Variants in SHC2 observed in about 807,000 individuals in gnomAD.
SHC2 encodes the protein SHC-transforming protein 2.
Under a neutral mutation model 60.6 loss-of-function variants are expected in SHC2, and 62 were observed. The observed-to-expected ratio is 1.02, with a 90% CI of 0.83 to 1.26. The LOEUF (loss-of-function observed/expected upper bound fraction) is 1.26. Ranked by LOEUF, SHC2 falls within the 50% of genes most tolerant of loss-of-function variation. The pLI is 0.00. For synonymous variants in SHC2, 375 were observed against 372.4 expected (o/e 1.01, Z -0.08); for missense variants, 873 against 822.2 (o/e 1.06, Z -0.76).
At chr19:457,387 A>G (rs987862973) in intron 1 of SHC2, among the ~76,000 whole-genome samples, 6 of 141,238 alleles carry the variant, frequency 4.2e-5, no homozygotes, top group Admixed American at 4.2e-4. Flanking sequence ...GTCTAGAACT[A>G]TGTCTGCAAA....
chr19:449,982 C>A (rs73489613), intron 1 of SHC2, among the ~76,000 whole-genome samples: 5,071 of 152,260 alleles, frequency 0.033, 282 homozygotes, highest in African/African-American at 0.11. Context: ...TTCTTTGACA[C>A]CCTGCGCCAC....
At chr19:457,232 A>G (rs55835330) in intron 1 of SHC2, among the ~76,000 whole-genome samples, 1 of 101,000 alleles carries the variant, frequency 9.9e-6, no homozygotes, top group Non-Finnish European at 2.0e-5. Context: ...AGGCCTTTGC[A>G]CCTGCACCTG....
intron 9 of SHC2, among the ~76,000 whole-genome samples, chr19:426,068 G>A (rs937725266): frequency 1.3e-5 from 2 of 151,316 alleles, no homozygotes; most frequent in East Asian, 1.9e-4. Context: ...GGTTCAAACC[G>A]GAACAGCATC....
chr19:460,369 G>T (rs1975511345), intron 1 of SHC2, among the ~76,000 whole-genome samples, 160 bp downstream of exon 1: 2 of 151,850 alleles, frequency 1.3e-5, no homozygotes, highest in Admixed American at 1.3e-4. Flanking sequence ...GGTGGGGGCA[G>T]CCGCCGGCCG....
At chr19:450,542 G>C (rs1191931365) in intron 1 of SHC2, among the ~76,000 whole-genome samples, 1 of 152,158 alleles carries the variant, frequency 6.6e-6, no homozygotes, top group Non-Finnish European at 1.5e-5. Flanking sequence ...CTGTCTCTGT[G>C]AATCTGATGG....
At chr19:430,117 A>G (rs1035663122) in intron 9 of SHC2, among the ~76,000 whole-genome samples, 3 of 142,952 alleles carry the variant, frequency 2.1e-5, no homozygotes, top group African/African-American at 5.3e-5. Flanking sequence ...TACCGTGTGG[A>G]TGACGCAGTA....
chr19:444,061 GTGGGTGGA>G (rs1314787877), intron 1 of SHC2, among the ~76,000 whole-genome samples: 2 of 146,372 alleles, frequency 1.4e-5, no homozygotes, highest in Admixed American at 6.8e-5. Flanking sequence ...GGATGGATGG[GTGGGTGGA>G]TGGGTGGATG....
intron 8 of SHC2, among the ~76,000 whole-genome samples, chr19:431,046 C>A (rs955023883): frequency 6.6e-6 from 1 of 152,266 alleles, no homozygotes; most frequent in Non-Finnish European, 1.5e-5. Flanking sequence ...TCCCAGGCAG[C>A]TCCTATTCAC....
At chr19:457,956 G>A (rs1205006469) in intron 1 of SHC2, among the ~76,000 whole-genome samples, 1 of 138,922 alleles carries the variant, frequency 7.2e-6, no homozygotes, top group East Asian at 1.9e-4. Flanking sequence ...GTGGGTCCCG[G>A]GGAGGCGGAA....
At position 425,178 on chromosome 19, in the gene SHC2, C is replaced by T. The variant is rs903519101; in HGVS notation, c.1228G>A (p.Glu410Lys). Residue 410 changes from glutamate to lysine, a missense_variant, in exon 10 of 13, where the codon GAG (glutamate) becomes AAG (lysine). Transcript: ENST00000264554. The surrounding 1 kb of genome is among the most constrained non-coding windows in gnomAD (Gnocchi z 4.1). The part of the protein sequence containing the change: ...QADARGPPDH[E>K]EHLYVNTQGL... ...TGGGTGTTGACATACAGGTGCTCCT[C>T]GTGGTCCGGGGGGCCCCGGGCGTCC... 2.2e-6 allele frequency: 3 copies of T among 1,353,280 alleles called. No homozygotes were observed. Among genetic ancestry groups the T allele is most frequent in the Admixed American group, 3.0e-5 (1 of 33,576 alleles). 83.8% of individuals were successfully genotyped at this position (1,353,280 alleles called of 1,614,324 possible).
chr19:419,313 G>T (rs1974220379), intron 11 of SHC2: 1 of 451,032 alleles, frequency 2.2e-6, no homozygotes. Context: ...GCGGGAAGAT[G>T]CGGCCAGGTC....
Position 446,397 on chromosome 19 carries a change from G to A in SHC2, c.469-5465C>T, listed in dbSNP as rs1975053545. On this transcript the variant is annotated intron_variant, in intron 1 of 12. Transcript: ENST00000264554. This position sits in a 1 kb window ranked among gnomAD's most constrained non-coding sequence, Gnocchi z 5.4. ...GCGATCACGACTCACTGCAACTTCC[G>A]CCTCCCGGGTTCACACCATTCTCCT... is the stretch of plus-strand genomic sequence containing the variant. 1.3e-5 allele frequency among the ~76,000 whole-genome samples: 2 copies of A among 152,062 alleles called. No individual in the cohort carries two copies. The highest frequency in any genetic ancestry group is 2.9e-5 in the Non-Finnish European group (2 of 68,006).
chr19:418,631 T>C (rs547966264), intron 12 of SHC2, among the ~76,000 whole-genome samples: 70 of 152,130 alleles, frequency 4.6e-4, no homozygotes, highest in African/African-American at 1.1e-3. Context: ...TGGAATCCCA[T>C]TGCTATGAAA....
chr19:436,392 T>C lies in SHC2; in HGVS notation c.814A>G (p.Ile272Val), dbSNP rs1974720459. The C allele has an allele frequency of 6.3e-7, 1 of 1,593,272 alleles. No homozygotes were observed. The highest frequency in any genetic ancestry group is 1.3e-5 in the African/African-American group (1 of 74,244). ...CCGGGGGCCTCACCTCTCTGGTTGA[T>C]GGGGTCCTTGGCGACGTAGGCCACG... ...DYVAYVAKDP[I>V]NQRACHILEC... The change falls in exon 6 of 13, where the codon ATC becomes GTC. Residue 272 changes from isoleucine (I) to valine (V), a missense_variant. By Grantham distance (29) the Ile-to-Val change is conservative. Transcript: ENST00000264554.
rs1229965233 is a variant in SHC2 at position 460,721 on chromosome 19, G to A, written c.276C>T (p.Pro92=). Residue 92 remains proline (P), a synonymous_variant, in exon 1 of 13, where the codon CCC becomes CCT. Transcript: ENST00000264554. The part of the protein sequence containing the change: ...ACEPRCAAPC[P]LPALSRCRGA... ...CCCGACAGCGGCTGAGCGCGGGCAG[G>A]GGACAGGGCGCGGCGCAGCGGGGCT... 2 of 987,100 alleles carry A rather than the reference G, an allele frequency of 2.0e-6. No homozygotes were observed. Among genetic ancestry groups the A allele is most frequent in the African/African-American group, 3.5e-5 (2 of 56,590 alleles). 61.1% of individuals were successfully genotyped at this position (987,100 alleles called of 1,614,324 possible).
At position 422,211 on chromosome 19, in the gene SHC2, A is replaced by G. The variant is rs1477054751; in HGVS notation, c.1555T>C (p.Tyr519His). 2 of 1,612,530 alleles carry G rather than the reference A, an allele frequency of 1.2e-6. No individual in the cohort carries two copies. Among genetic ancestry groups the G allele is most frequent in the East Asian group, 2.2e-5 (1 of 44,870 alleles). Residue 519 changes from tyrosine to histidine, a missense_variant, in exon 11 of 13, where the codon TAT becomes CAT. By Grantham distance (83) the Tyr-to-His change is moderately conservative. Transcript: ENST00000264554. This position sits in a 1 kb window ranked among gnomAD's most constrained non-coding sequence, Gnocchi z 5.0. Reference protein sequence around the residue: ...VRDSVTNPGQYVLTGMHAGQP... With the variant: ...VRDSVTNPGQHVLTGMHAGQP... ...CCGGCGTGCATGCCGGTGAGGACAT[A>G]CTGCCCGGGGTTGGTGACGCTGTCT...
At chr19:421,375 G>C (rs368189403) in intron 11 of SHC2, among the ~76,000 whole-genome samples, 4 of 147,716 alleles carry the variant, frequency 2.7e-5, no homozygotes, top group African/African-American at 1.0e-4. Context: ...ATTCCAGCCG[G>C]GGCAACAGTG....
chr19:460,420 A>C, intron 1 of SHC2, 109 bp downstream of exon 1: 3 of 365,802 alleles, frequency 8.2e-6, no homozygotes, highest in African/African-American at 2.5e-5. Flanking sequence ...GAGAGCAGGA[A>C]GGATGGGGAG....
At chr19:451,452 G>T (rs1458625664) in intron 1 of SHC2, among the ~76,000 whole-genome samples, 1 of 152,260 alleles carries the variant, frequency 6.6e-6, no homozygotes, top group Non-Finnish European at 1.5e-5. Flanking sequence ...CACCTGGACT[G>T]TTTCCACCTT....
Sources: gnomAD v4.1 joint callset for allele counts (sites outside exome capture counted in the v4.1 genomes callset) on GRCh38, gnomAD v4.1.1 for gene constraint, Gnocchi (gnomAD v3.1) non-coding constraint, MANE v1.5 for transcripts, NCBI Gene and HGNC (gene_info 2026-07-23, HGNC 2026-07-21) for gene names.